Variants in GABRR3 observed in about 807,000 individuals in gnomAD.
GABRR3 encodes gamma-aminobutyric acid type A receptor subunit rho3.
A neutral mutation model predicts 43.2 loss-of-function variants in GABRR3; 29 were observed. The observed-to-expected ratio is 0.67, with a 90% CI of 0.50 to 0.92. The LOEUF (loss-of-function observed/expected upper bound fraction) is 0.92. Ranked by LOEUF, GABRR3 falls within the 40% of genes least tolerant of loss-of-function variation. GABRR3 has a pLI of 0.00. For missense variants in GABRR3, 576 were observed against 572.3 expected (o/e 1.01, Z -0.07); for synonymous variants, 206 against 195.9 (o/e 1.05, Z -0.43).
chr3:98,034,575 T>C (rs1707128332), intron 2 of GABRR3, among the ~76,000 whole-genome samples: 1 of 152,192 alleles, frequency 6.6e-6, no homozygotes, highest in Non-Finnish European at 1.5e-5. Flanking sequence ...GTACTACTAA[T>C]TGAAGAAATA....
intron 5 of GABRR3, 91 bp from the exon 6 acceptor site, chr3:98,009,129 G>T: frequency 1.3e-6 from 1 of 778,462 alleles, no homozygotes; most frequent in Non-Finnish European, 2.1e-6. Flanking sequence ...ACTGTTTGCT[G>T]GTTCTGTGTG....
chr3:98,018,009 T>TAG (rs1706893939), intron 3 of GABRR3, among the ~76,000 whole-genome samples: 1 of 151,784 alleles, frequency 6.6e-6, no homozygotes, highest in Non-Finnish European at 1.5e-5. Flanking sequence ...GTTTTCTTTT[T>TAG]TTTTTTTTTT....
intron 8 of GABRR3, chr3:97,997,683 A>AC (rs1254554251): frequency 1.3e-5 from 2 of 152,196 alleles, no homozygotes; most frequent in Non-Finnish European, 2.9e-5. Flanking sequence ...CATTGTGGGC[A>AC]CCCAGCTTTA....
At chr3:98,030,363 A>T (rs1707072904) in intron 2 of GABRR3, among the ~76,000 whole-genome samples, 1 of 152,208 alleles carries the variant, frequency 6.6e-6, no homozygotes, top group Admixed American at 6.5e-5. Context: ...AAAGGAGATA[A>T]TTCTTGTCCT....
chr3:98,013,206 G>C (rs1576044631), intron 4 of GABRR3, among the ~76,000 whole-genome samples: 1 of 152,178 alleles, frequency 6.6e-6, no homozygotes, highest in South Asian at 2.1e-4. Flanking sequence ...TGTTGAAATG[G>C]CACATTTCCC....
intron 2 of GABRR3, among the ~76,000 whole-genome samples, chr3:98,030,527 C>T (rs540316557): frequency 6.6e-6 from 1 of 152,124 alleles, no homozygotes; most frequent in Non-Finnish European, 1.5e-5. Flanking sequence ...CAGGATTAGA[C>T]GTGAGCTTGG....
rs577825413 is a variant in GABRR3 at position 97,992,832 on chromosome 3, T to C, written c.1104+20A>G. On this transcript the variant is annotated intron_variant, in intron 9 of 9. Transcript: ENST00000621172. ...TTTCCACATTCCCCAAGGGATCTGA[T>C]AGTCAGAGCAAGGCTGTACCTTTCC... 1.3e-6 allele frequency: 2 copies of C among 1,574,850 alleles called. No homozygotes were observed. Among genetic ancestry groups the C allele is most frequent in the Non-Finnish European group, 1.7e-6 (2 of 1,159,826 alleles).
At chr3:98,003,538 T>TC (rs1346097298) in intron 7 of GABRR3, among the ~76,000 whole-genome samples, 1 of 150,694 alleles carries the variant, frequency 6.6e-6, no homozygotes, top group African/African-American at 2.4e-5. Context: ...TCATGGGGAG[T>TC]CCATTTCCCT....
intron 7 of GABRR3, among the ~76,000 whole-genome samples, chr3:98,007,153 G>A (rs190844627): frequency 1.3e-5 from 2 of 152,220 alleles, no homozygotes; most frequent in Admixed American, 1.3e-4. Flanking sequence ...GATAGGGAAC[G>A]GTGAGAAAGG....
intron 5 of GABRR3, among the ~76,000 whole-genome samples, chr3:98,011,107 A>AC (rs376863607): frequency 6.6e-6 from 1 of 151,766 alleles, no homozygotes; most frequent in East Asian, 1.9e-4. Flanking sequence ...TCCTCCCCCA[A>AC]CCCCCCCAAA....
intron 2 of GABRR3, 45 bp from the exon 3 acceptor site, chr3:98,025,724 T>C (rs747201162): frequency 7.9e-7 from 1 of 1,266,694 alleles, no homozygotes; most frequent in South Asian, 1.3e-5. Context: ...ATACATATGC[T>C]TCTGGATATT....
chr3:97,986,349 A>C (rs1706386868), downstream of GABRR3, among the ~76,000 whole-genome samples: 1 of 152,188 alleles, frequency 6.6e-6, no homozygotes, highest in Admixed American at 6.5e-5. Context: ...ATATCTTTGA[A>C]TTATTGTTAT....
chr3:98,001,870 C>T (rs552209177), intron 7 of GABRR3, 103 bp from the exon 8 acceptor site: 26 of 1,244,264 alleles, frequency 2.1e-5, no homozygotes, highest in South Asian at 1.2e-4. Context: ...CTTGGGGACA[C>T]GGAATTTGAC....
chr3:97,986,593 A>G (rs1309405068), downstream of GABRR3: 2 of 848,706 alleles, frequency 2.4e-6, no homozygotes, highest in Non-Finnish European at 3.5e-6. Context: ...GCTCTTTCCC[A>G]GTTCCATCTA....
At chr3:98,005,210 AACAC>A (rs60490447) in intron 7 of GABRR3, among the ~76,000 whole-genome samples, 3,901 of 147,960 alleles carry the variant, frequency 0.026, 107 homozygotes, top group African/African-American at 0.077. Flanking sequence ...CTAGGCTTTT[AACAC>A]ACACACACAC....
rs531587192 is a variant in GABRR3 at position 98,034,779 on chromosome 3, C to T, written c.125+84G>A. ...CAAAGATGTGCTACCATTAAAGATA[C>T]GTTTCCAGGTTTCCTGTAGGTCTGA... On this transcript the variant is annotated intron_variant, in intron 2 of 9. Coordinates refer to ENST00000621172, the Ensembl canonical transcript of GABRR3. 1.3e-4 allele frequency: 203 copies of T among 1,507,550 alleles called. 3 individuals carry two copies. In the South Asian group the frequency reaches 2.1e-3, roughly 15 times the overall value. 93.4% of individuals were successfully genotyped at this position (1,507,550 alleles called of 1,614,324 possible).
downstream of GABRR3, among the ~76,000 whole-genome samples, chr3:97,985,491 A>C (rs1706372348): frequency 6.6e-6 from 1 of 152,180 alleles, no homozygotes; most frequent in Admixed American, 6.5e-5. Context: ...TTCAGAATTC[A>C]CACCAGACAG....
chr3:97,997,427 A>T (rs1706575993), intron 8 of GABRR3: 1 of 152,202 alleles, frequency 6.6e-6, no homozygotes, highest in Non-Finnish European at 1.5e-5. Context: ...ATTTTGAAAA[A>T]TTTAAAAGCT....
chr3:97,988,289 G>A (rs1178343090), intron 9 of GABRR3, among the ~76,000 whole-genome samples: 4 of 152,064 alleles, frequency 2.6e-5, no homozygotes, highest in Non-Finnish European at 5.9e-5. Context: ...TGTTGCTGAA[G>A]CTGGTCTTGA....
Sources: allele counts gnomAD v4.1 joint callset (sites outside exome capture counted in the v4.1 genomes callset), GRCh38; gene constraint gnomAD v4.1.1; transcripts MANE v1.5; gene names NCBI Gene and HGNC (gene_info 2026-07-23, HGNC 2026-07-21).